Variants in IGF2BP3 observed in about 807,000 individuals in gnomAD.
IGF2BP3 encodes the protein insulin like growth factor 2 mRNA binding protein 3.
In IGF2BP3, 9 loss-of-function variants were observed where a neutral mutation model predicts 73.8. The observed-to-expected ratio is 0.12, with a 90% CI of 0.07 to 0.21. IGF2BP3 has a LOEUF of 0.21. Among genes scored for constraint, IGF2BP3 ranks in the 10% least tolerant of loss-of-function variants. The pLI is 1.00. For synonymous variants in IGF2BP3, 258 were observed against 256.7 expected, an observed-to-expected ratio of 1.01 and a Z score of -0.05; for missense variants, 542 against 714.0, an observed-to-expected ratio of 0.76 and a Z score of 2.75.
chr7:23,394,413 G>T (rs796390520), intron 3 of IGF2BP3, among the ~76,000 whole-genome samples: 4 of 152,286 alleles, frequency 2.6e-5, no homozygotes, highest in African/African-American at 9.6e-5. Flanking sequence ...GCTGCAGTGA[G>T]CTATGATCAT....
In IGF2BP3 at chr7:23,321,195, G is replaced by A. The variant is rs900377791; in HGVS notation, c.1204-1941C>T. On this transcript the variant is annotated intron_variant, in intron 10 of 14. Coordinates refer to ENST00000258729, the MANE Select transcript of IGF2BP3 (RefSeq NM_006547.3). ...CTCACTAGGGAGTGCCAGACAGTGGGCGCAGGTCAGTGGGTGCATGCACCA... is the reference window on the plus strand; with the variant it reads ...CTCACTAGGGAGTGCCAGACAGTGGACGCAGGTCAGTGGGTGCATGCACCA... 2.2e-4 allele frequency among the ~76,000 whole-genome samples: 34 copies of A among 152,160 alleles called. 1 individual carries two copies. The highest frequency in any genetic ancestry group is 4.7e-4 in the Non-Finnish European group (32 of 68,036).
At chr7:23,465,835 C>A (rs1788554364) in intron 2 of IGF2BP3, among the ~76,000 whole-genome samples, 1 of 152,102 alleles carries the variant, frequency 6.6e-6, no homozygotes, top group Admixed American at 6.5e-5. Context: ...ATCAGAGCAA[C>A]CCCCATCAGT....
In IGF2BP3 at chr7:23,470,200, T is replaced by A. The variant is rs968596008; in HGVS notation, c.-90A>T. On this transcript the variant is annotated 5_prime_UTR_variant, in exon 1 of 15. Transcript: ENST00000258729. ...GATGGATGGATCCAGCTGGTTTTGTTCCCCTCGTCTTCTCGCCTTTAAAAT... is the reference window on the plus strand; with the variant it reads ...GATGGATGGATCCAGCTGGTTTTGTACCCCTCGTCTTCTCGCCTTTAAAAT... 6.7e-6 allele frequency: 7 copies of A among 1,039,256 alleles called. No individual in the cohort carries two copies. The Admixed American group carries it at 9.4e-5, about 14-fold the overall frequency. 64.4% of individuals were successfully genotyped at this position (1,039,256 alleles called of 1,614,324 possible).
chr7:23,450,533 C>T (rs762107374), intron 2 of IGF2BP3: 1 of 152,172 alleles, frequency 6.6e-6, no homozygotes, highest in Non-Finnish European at 1.5e-5. Context: ...TCCCAATCCT[C>T]GTGGATAAAG....
At chr7:23,326,455 T>C (rs1583887303) in intron 10 of IGF2BP3, among the ~76,000 whole-genome samples, 1 of 151,504 alleles carries the variant, frequency 6.6e-6, no homozygotes, top group African/African-American at 2.4e-5. Flanking sequence ...AGGAACACTT[T>C]TACACTGTTG....
intron 3 of IGF2BP3, among the ~76,000 whole-genome samples, chr7:23,368,280 C>A (rs1383500956): frequency 6.9e-6 from 1 of 145,900 alleles, no homozygotes; most frequent in African/African-American, 2.6e-5. Flanking sequence ...ATTATGGTTA[C>A]CTTGTTAGTA....
Position 23,423,712 on chromosome 7 carries a change from G to T in IGF2BP3, c.237-4888C>A, listed in dbSNP as rs77990033. Among the ~76,000 whole-genome samples the T allele has an allele frequency of 6.3e-3, 961 of 151,854 alleles. 22 individuals carry two copies. The East Asian group carries it at 0.079, about 12-fold the overall frequency. On this transcript the variant is annotated intron_variant, in intron 2 of 14. Transcript: ENST00000258729. ...CTATCCAGAAACTAACATTTCAAAT[G>T]ATTTCCTTATAGCTTATAAAGGGAC...
In IGF2BP3 at chr7:23,464,651, T is replaced by G. The variant is rs537326678; in HGVS notation, c.236+3831A>C. ...GTGAGCCGAGATCGTGCCACTGCAC[T>G]CCAGCCTGGGCAACAGAGAGAGACT... On this transcript the variant is annotated intron_variant, in intron 2 of 14. Transcript: ENST00000258729. 6.1e-3 allele frequency among the ~76,000 whole-genome samples: 923 copies of G among 150,878 alleles called. 14 individuals carry two copies. The highest frequency in any genetic ancestry group is 0.021 in the African/African-American group (883 of 41,078).
chr7:23,325,316 T>G (rs1784263949), intron 10 of IGF2BP3, among the ~76,000 whole-genome samples: 1 of 152,100 alleles, frequency 6.6e-6, no homozygotes, highest in African/African-American at 2.4e-5. Context: ...TGAACTCCCA[T>G]TCACAATTGC....
intron 3 of IGF2BP3, among the ~76,000 whole-genome samples, chr7:23,362,336 G>T (rs433395): frequency 0.53 from 80,137 of 152,070 alleles, 24,369 homozygotes; most frequent in African/African-American, 0.85. Context: ...TTTACAGCTC[G>T]AATGGTTCTT....
intron 3 of IGF2BP3, among the ~76,000 whole-genome samples, chr7:23,393,856 C>T (rs1786364223): frequency 6.6e-6 from 1 of 152,150 alleles, no homozygotes; most frequent in South Asian, 2.1e-4. Context: ...TTGAGAGTCC[C>T]TCCTGCTGCG....
intron 2 of IGF2BP3, among the ~76,000 whole-genome samples, chr7:23,468,246 AT>A (rs933814658): frequency 6.6e-6 from 1 of 152,202 alleles, no homozygotes; most frequent in Non-Finnish European, 1.5e-5. Flanking sequence ...CTTTCGAGAG[AT>A]TTTGTAACCA....
At chr7:23,347,896 T>C (rs754082437) in intron 6 of IGF2BP3, 162 bp from the exon 7 acceptor site, 4 of 664,414 alleles carry the variant, frequency 6.0e-6, no homozygotes, top group Middle Eastern at 2.6e-4. Flanking sequence ...CATTAATGCC[T>C]TAAGAGGCAA....
chr7:23,392,453 C>T lies in IGF2BP3; in HGVS notation c.285+26323G>A, dbSNP rs374999086. 8.7e-3 allele frequency among the ~76,000 whole-genome samples: 970 copies of T among 112,126 alleles called. 10 individuals carry two copies. The highest frequency in any genetic ancestry group is 0.025 in the African/African-American group (753 of 30,152). The allele number at this position is 112,126 out of a possible 152,430, so 73.6% of individuals were successfully genotyped here. A position where few individuals can be genotyped will look rare whatever the true frequency, so the allele number is the denominator to read the frequency against. The stretch of plus-strand genomic sequence containing the variant: ...ATCATCATATATATATATATATATA[C>T]ACACACACACATATATATGTATATA... On this transcript the variant is annotated intron_variant, in intron 3 of 14. Transcript: ENST00000258729.
At chr7:23,444,742 CAA>C (rs56029431) in intron 2 of IGF2BP3, among the ~76,000 whole-genome samples, 30,442 of 81,774 alleles carry the variant, frequency 0.37, 2,744 homozygotes, top group Middle Eastern at 0.42. Flanking sequence ...GACTCTGTCT[CAA>C]AAAAAAAAAA....
chr7:23,402,874 T>C (rs1201833578), intron 3 of IGF2BP3, among the ~76,000 whole-genome samples: 1 of 152,206 alleles, frequency 6.6e-6, no homozygotes. Context: ...TAATTCTCAA[T>C]GGAGAAAGCT....
rs541861426 is a variant in IGF2BP3 at position 23,311,668 on chromosome 7, T to C, written c.*694A>G. 5 of 152,696 alleles carry C rather than the reference T, an allele frequency of 3.3e-5. No homozygotes were observed. The South Asian group carries it at 8.3e-4, about 25-fold the overall frequency. 9.5% of individuals were successfully genotyped at this position (152,696 alleles called of 1,614,324 possible). On this transcript the variant is annotated 3_prime_UTR_variant, in exon 15 of 15. Coordinates refer to ENST00000258729, the MANE Select transcript of IGF2BP3 (RefSeq NM_006547.3). ...CCAGAAGTAAAAATCTTAATTTGCC[T>C]GTTAGCTGATTGCTGTTAAATTTTA...
At chr7:23,452,669 G>C (rs544820196) in intron 2 of IGF2BP3, among the ~76,000 whole-genome samples, 2 of 151,802 alleles carry the variant, frequency 1.3e-5, no homozygotes, top group Admixed American at 1.3e-4. Flanking sequence ...TGGGCAAGTG[G>C]TGGGCACCTG....
chr7:23,313,799 G>A (rs1651656599), intron 12 of IGF2BP3, 146 bp from the exon 13 acceptor site: 8 of 773,710 alleles, frequency 1.0e-5, no homozygotes, highest in Non-Finnish European at 1.4e-5. Context: ...TAACATAGAA[G>A]AGAGCAGTTA....
Sources: allele counts gnomAD v4.1 joint callset (sites outside exome capture counted in the v4.1 genomes callset), GRCh38; gene constraint gnomAD v4.1.1; transcripts MANE v1.5; gene names NCBI Gene and HGNC (gene_info 2026-07-23, HGNC 2026-07-21).